FBXO11: variants seen among roughly 807,000 people sequenced by gnomAD.
FBXO11 encodes the protein F-box only protein 11.
Under a neutral mutation model 117.0 loss-of-function variants are expected in FBXO11, and 13 were observed. That is an observed-to-expected ratio of 0.11 (90% CI 0.07 to 0.18). FBXO11 has a LOEUF of 0.18. Among genes scored for constraint, FBXO11 ranks in the 10% least tolerant of loss-of-function variants. The probability of loss-of-function intolerance (pLI) is 1.00; values close to 1 mark genes in which losing one functional copy is unlikely to be tolerated. For missense variants in FBXO11, 767 were observed against 1,164.4 expected (o/e 0.66, Z 4.97); for synonymous variants, 490 against 380.5 (o/e 1.29, Z -3.35).
chr2:47,832,950 T>G lies in FBXO11; in HGVS notation c.1041+14A>C. 1.2e-6 allele frequency: 2 copies of G among 1,604,314 alleles called. No homozygotes were observed. The highest frequency in any genetic ancestry group is 1.7e-6 in the Non-Finnish European group (2 of 1,171,192). On this transcript the variant is annotated intron_variant, in intron 8 of 22. Transcript: ENST00000403359. ...ATGATTTCAATGTGTATTTTAAATC[T>G]TAACATGTCTTACCCTTATTGTCAT...
chr2:47,821,489 A>G (rs1671377126), intron 13 of FBXO11, among the ~76,000 whole-genome samples: 1 of 152,104 alleles, frequency 6.6e-6, no homozygotes. Flanking sequence ...GGGCGCCTGT[A>G]GTCCCAGCTA....
intron 1 of FBXO11, among the ~76,000 whole-genome samples, chr2:47,880,810 C>T (rs190392308): frequency 6.6e-6 from 1 of 152,214 alleles, no homozygotes; most frequent in East Asian, 1.9e-4. Flanking sequence ...TATCTTATAC[C>T]TTTTCTCTAT....
chr2:47,824,049 TAAGTCC>T (rs1240126034), intron 11 of FBXO11, among the ~76,000 whole-genome samples: 1 of 152,114 alleles, frequency 6.6e-6, no homozygotes, highest in Non-Finnish European at 1.5e-5. Flanking sequence ...CATCCTCTAA[TAAGTCC>T]AAGTACATTC....
Position 47,905,753 on chromosome 2 carries a change from G to A in FBXO11, c.-33C>T, listed in dbSNP as rs923519310. 38 of 1,355,922 alleles carry A rather than the reference G, an allele frequency of 2.8e-5. No individual in the cohort carries two copies. The highest frequency in any genetic ancestry group is 1.7e-4 in the South Asian group (14 of 81,652). The allele number at this position is 1,355,922 out of a possible 1,614,324, so 84.0% of individuals were successfully genotyped here. A position where few individuals can be genotyped will look rare whatever the true frequency, so the allele number is the denominator to read the frequency against. On this transcript the variant is annotated 5_prime_UTR_variant, in exon 1 of 23. Coordinates refer to ENST00000403359, the MANE Select transcript of FBXO11 (RefSeq NM_001190274.2). ...GCTGAGGTGGCGGCGTTGGCGGAGG[G>A]ACACACACACGCACACGCACAGCGA...
rs1672095553 is a variant in FBXO11 at position 47,830,482 on chromosome 2, GATAA to G, written c.1398+1863_1398+1866del. On this transcript the variant is annotated intron_variant, in intron 11 of 22. Transcript: ENST00000403359. ...GAGAAACGATGATAAAAGAACTAAT[GATAA>G]ATAAATAAAGAATAAATATAGACCA... is the stretch of plus-strand genomic sequence containing the variant. Among the ~76,000 whole-genome samples the G allele has an allele frequency of 9.2e-5, 14 of 152,110 alleles. No individual in the cohort carries two copies. The South Asian group carries it at 2.3e-3, about 25-fold the overall frequency.
chr2:47,813,154 A>G, intron 18 of FBXO11, 80 bp downstream of exon 18: 1 of 1,355,414 alleles, frequency 7.4e-7, no homozygotes, highest in Non-Finnish European at 1.1e-6. Context: ...TAACTTAGTT[A>G]GCAATGTCAT....
chr2:47,876,588 G>C (rs1235504334), intron 1 of FBXO11, among the ~76,000 whole-genome samples: 1 of 152,206 alleles, frequency 6.6e-6, no homozygotes, highest in Non-Finnish European at 1.5e-5. Flanking sequence ...TTATCTTCTG[G>C]AAGACACTGT....
chr2:47,825,209 C>G lies in FBXO11; in HGVS notation c.1399-1849G>C, dbSNP rs538794696. On this transcript the variant is annotated intron_variant, in intron 11 of 22. Coordinates refer to ENST00000403359, the MANE Select transcript of FBXO11 (RefSeq NM_001190274.2). ...AAGAATAACATACAAAAGTAGTTTT[C>G]AGACTTCATTTTCTAATAAAGAACA... is the stretch of plus-strand genomic sequence containing the variant. Among the ~76,000 whole-genome samples, 188 of 152,246 alleles carry G rather than the reference C, an allele frequency of 1.2e-3. 1 individual carries two copies. Among genetic ancestry groups the G allele is most frequent in the African/African-American group, 4.3e-3 (179 of 41,554 alleles).
chr2:47,886,222 C>T (rs1676834499), intron 1 of FBXO11, among the ~76,000 whole-genome samples: 2 of 151,982 alleles, frequency 1.3e-5, no homozygotes. Context: ...AAAAGTGAAC[C>T]TTTCGCCAGG....
chr2:47,898,070 G>T (rs1054108064), intron 1 of FBXO11, among the ~76,000 whole-genome samples: 1 of 152,084 alleles, frequency 6.6e-6, no homozygotes, highest in Admixed American at 6.5e-5. Flanking sequence ...TTGTTAAAAA[G>T]AACAAAACAT....
At chr2:47,842,851 G>A (rs1673116140) in intron 1 of FBXO11, among the ~76,000 whole-genome samples, 1 of 151,136 alleles carries the variant, frequency 6.6e-6, no homozygotes, top group Non-Finnish European at 1.5e-5. Context: ...CACAATCATG[G>A]CTTACTGCAG....
intron 14 of FBXO11, 74 bp from the exon 15 acceptor site, chr2:47,819,152 T>C (rs1671205304): frequency 2.8e-6 from 4 of 1,449,990 alleles, no homozygotes; most frequent in South Asian, 1.3e-5. Context: ...ACCCCCTTTA[T>C]AGACAGTTAA....
chr2:47,899,268 C>T (rs1490464644), intron 1 of FBXO11, among the ~76,000 whole-genome samples: 5 of 131,534 alleles, frequency 3.8e-5, no homozygotes, highest in African/African-American at 8.7e-5. Flanking sequence ...AGCAAGACTC[C>T]GTCTCAAAAA....
intron 14 of FBXO11, among the ~76,000 whole-genome samples, chr2:47,819,971 C>T (rs1671265715): frequency 6.6e-6 from 1 of 152,062 alleles, no homozygotes; most frequent in African/African-American, 2.4e-5. Flanking sequence ...AACATAAATT[C>T]AAATGAAAAA....
chr2:47,823,094 A>C, intron 12 of FBXO11, 49 bp downstream of exon 12: 1 of 1,379,540 alleles, frequency 7.2e-7, no homozygotes. Flanking sequence ...ACTTTTAAGC[A>C]AACCTTGAAG....
intron 1 of FBXO11, among the ~76,000 whole-genome samples, chr2:47,864,451 G>T (rs1265612023): frequency 6.6e-6 from 1 of 152,114 alleles, no homozygotes; most frequent in African/African-American, 2.4e-5. Context: ...GCCTGGTGTG[G>T]TGGTGCATGC....
chr2:47,869,952 T>C lies in FBXO11; in HGVS notation c.233-30183A>G, dbSNP rs936797378. 3.9e-5 allele frequency among the ~76,000 whole-genome samples: 6 copies of C among 152,274 alleles called. No homozygotes were observed. The East Asian group carries it at 5.8e-4, about 15-fold the overall frequency. ...CTGGCCTCCCAAAGTGCTGGGATTA[T>C]AGGAGTGAGCCACCAAGCCTGGCCA... On this transcript the variant is annotated intron_variant, in intron 1 of 22. Transcript: ENST00000403359.
intron 11 of FBXO11, among the ~76,000 whole-genome samples, chr2:47,827,879 T>G (rs1211639674): frequency 6.6e-6 from 1 of 151,800 alleles, no homozygotes; most frequent in Non-Finnish European, 1.5e-5. Flanking sequence ...GTATTTTTAG[T>G]AGAGACGGGG....
intron 3 of FBXO11, 114 bp from the exon 4 acceptor site, chr2:47,839,117 T>C: frequency 1.8e-6 from 2 of 1,081,276 alleles, no homozygotes; most frequent in Non-Finnish European, 2.6e-6. Context: ...ATAATGGTCA[T>C]TTTATAAGCA....
Sources: gnomAD v4.1 joint callset for allele counts (sites outside exome capture counted in the v4.1 genomes callset) on GRCh38, gnomAD v4.1.1 for gene constraint, MANE v1.5 for transcripts, NCBI Gene and HGNC (gene_info 2026-07-23, HGNC 2026-07-21) for gene names.